Variants in LRRC8D observed in about 807,000 individuals in gnomAD.
The protein encoded by LRRC8D is leucine rich repeat containing 8 VRAC subunit D, also known as volume-regulated anion channel subunit LRRC8D.
LRRC8D carries 20 observed loss-of-function variants against 55.8 expected under a neutral mutation model. The ratio of observed to expected loss-of-function variants is 0.36; its 90% CI spans 0.25 to 0.52. The LOEUF is 0.52. Among genes scored for constraint, LRRC8D ranks in the 20% least tolerant of loss-of-function variants. The probability of loss-of-function intolerance (pLI) is 0.93; values close to 1 mark genes in which losing one functional copy is unlikely to be tolerated. For missense variants in LRRC8D, 651 were observed against 1,030.8 expected, an observed-to-expected ratio of 0.63 and a Z score of 5.05; for synonymous variants, 352 against 377.0, an observed-to-expected ratio of 0.93 and a Z score of 0.77.
intron 1 of LRRC8D, among the ~76,000 whole-genome samples, chr1:89,825,539 A>C (rs962667900): frequency 3.9e-5 from 6 of 152,150 alleles, no homozygotes. Flanking sequence ...TCAACTATGG[A>C]CTTGTTTCCC....
chr1:89,921,025 A>G (rs1663404785), intron 2 of LRRC8D, among the ~76,000 whole-genome samples: 1 of 152,228 alleles, frequency 6.6e-6, no homozygotes, highest in African/African-American at 2.4e-5. Context: ...CTGCAGAAAG[A>G]AAGTGAAAGT....
intron 1 of LRRC8D, among the ~76,000 whole-genome samples, chr1:89,830,232 C>T (rs1660855524): frequency 6.6e-6 from 1 of 152,036 alleles, no homozygotes. Context: ...TCAAGTTTTA[C>T]TTTAACTATT....
intron 2 of LRRC8D, among the ~76,000 whole-genome samples, chr1:89,870,367 A>G (rs1311372278): frequency 6.7e-6 from 1 of 148,300 alleles, no homozygotes; most frequent in Non-Finnish European, 1.5e-5. Context: ...TCCCAGCTAC[A>G]CGGGAGGCTG....
intron 2 of LRRC8D, among the ~76,000 whole-genome samples, chr1:89,859,976 G>T (rs1661659312): frequency 6.6e-6 from 1 of 152,182 alleles, no homozygotes; most frequent in Middle Eastern, 3.2e-3. Flanking sequence ...GTATATTTTG[G>T]GGGGCAGTAA....
Position 89,935,241 on chromosome 1 carries a change from G to A in LRRC8D, c.2173G>A (p.Val725Ile), listed in dbSNP as rs1036618132. Residue 725 changes from valine to isoleucine, a missense_variant, in exon 3 of 3, where the codon GTA (valine) becomes ATA (isoleucine). Transcript: ENST00000337338. ...NNKLESLPVA[V>I]FSLQKLRCLD... The stretch of plus-strand genomic sequence containing the variant: ...CAAGCTCGAATCCTTACCAGTGGCA[G>A]TATTTAGTTTACAGAAACTCAGATG... 3 of 1,614,054 alleles carry A rather than the reference G, an allele frequency of 1.9e-6. No individual in the cohort carries two copies. Among genetic ancestry groups the A allele is most frequent in the Non-Finnish European group, 2.5e-6 (3 of 1,179,952 alleles).
At chr1:89,916,011 T>C (rs1471675845) in intron 2 of LRRC8D, among the ~76,000 whole-genome samples, 1 of 152,184 alleles carries the variant, frequency 6.6e-6, no homozygotes, top group Non-Finnish European at 1.5e-5. Flanking sequence ...GTATGTTTGT[T>C]TATATTTTGG....
intron 2 of LRRC8D, among the ~76,000 whole-genome samples, chr1:89,917,303 G>A (rs936589601): frequency 2.0e-5 from 3 of 152,130 alleles, no homozygotes; most frequent in Non-Finnish European, 2.9e-5. Flanking sequence ...TGCAATAGCT[G>A]CTTTCCTGAT....
intron 2 of LRRC8D, among the ~76,000 whole-genome samples, chr1:89,867,623 C>A (rs1661884553): frequency 6.6e-6 from 1 of 152,040 alleles, no homozygotes; most frequent in Non-Finnish European, 1.5e-5. Flanking sequence ...TGCGTGTATT[C>A]TGCCTAGGAG....
chr1:89,909,865 C>CAA (rs199845267), intron 2 of LRRC8D, among the ~76,000 whole-genome samples: 7 of 93,862 alleles, frequency 7.5e-5, no homozygotes, highest in East Asian at 3.2e-4. Context: ...GACTCCGTCT[C>CAA]AAAAAAAAAA....
intron 2 of LRRC8D, among the ~76,000 whole-genome samples, chr1:89,880,294 CT>C (rs1570851571): frequency 6.6e-6 from 1 of 151,206 alleles, no homozygotes; most frequent in South Asian, 2.1e-4. Flanking sequence ...AAAAATTTGA[CT>C]TTCCAGATTC....
chr1:89,836,086 A>G (rs950459458), intron 1 of LRRC8D, among the ~76,000 whole-genome samples: 17 of 152,214 alleles, frequency 1.1e-4, no homozygotes, highest in African/African-American at 4.1e-4. Context: ...TTGGCTACAG[A>G]GCTAATAGTG....
At chr1:89,896,794 G>A (rs1305544809) in intron 2 of LRRC8D, among the ~76,000 whole-genome samples, 1 of 151,884 alleles carries the variant, frequency 6.6e-6, no homozygotes, top group Non-Finnish European at 1.5e-5. Context: ...CTCTTTTCTT[G>A]TGAATCATAG....
At chr1:89,920,473 TA>T (rs888766835) in intron 2 of LRRC8D, among the ~76,000 whole-genome samples, 4 of 151,996 alleles carry the variant, frequency 2.6e-5, no homozygotes, top group African/African-American at 9.7e-5. Context: ...ATTTTTTATG[TA>T]AAAAAATTGT....
intron 2 of LRRC8D, among the ~76,000 whole-genome samples, chr1:89,921,988 A>C (rs935803180): frequency 6.6e-6 from 1 of 152,198 alleles, no homozygotes; most frequent in Admixed American, 6.5e-5. Context: ...AATGGGAACA[A>C]AGAGCAAGAT....
At chr1:89,859,620 A>G (rs554298425) in intron 2 of LRRC8D, among the ~76,000 whole-genome samples, 2 of 152,334 alleles carry the variant, frequency 1.3e-5, no homozygotes, top group East Asian at 1.9e-4. Flanking sequence ...ATAAAGTATA[A>G]TAGGTGATCT....
chr1:89,878,967 C>CAA (rs5776028), intron 2 of LRRC8D, among the ~76,000 whole-genome samples: 193 of 90,778 alleles, frequency 2.1e-3, no homozygotes, highest in Middle Eastern at 6.8e-3. Flanking sequence ...AAATCCGTCT[C>CAA]AAAAAAAAAA....
chr1:89,849,474 C>T (rs999570533), intron 2 of LRRC8D, among the ~76,000 whole-genome samples: 3 of 145,938 alleles, frequency 2.1e-5, no homozygotes, highest in Non-Finnish European at 4.5e-5. Flanking sequence ...ATATCTCCAC[C>T]AATACTGCAT....
At chr1:89,840,208 T>TGC (rs1242752709) in intron 1 of LRRC8D, among the ~76,000 whole-genome samples, 1 of 149,280 alleles carries the variant, frequency 6.7e-6, no homozygotes, top group Non-Finnish European at 1.5e-5. Flanking sequence ...TACATACACG[T>TGC]GCACACACAC....
At chr1:89,834,424 G>T (rs1234408649) in intron 1 of LRRC8D, among the ~76,000 whole-genome samples, 4 of 152,098 alleles carry the variant, frequency 2.6e-5, no homozygotes, top group African/African-American at 9.7e-5. Context: ...TGGTGTCATT[G>T]GTGTTCCATT....
Sources: allele counts gnomAD v4.1 joint callset (sites outside exome capture counted in the v4.1 genomes callset), GRCh38; gene constraint gnomAD v4.1.1; transcripts MANE v1.5; gene names NCBI Gene and HGNC (gene_info 2026-07-23, HGNC 2026-07-21).